The following SLC2A4 variants were observed in gnomAD, a reference collection of about 807,000 sequenced individuals.
SLC2A4 encodes solute carrier family 2, facilitated glucose transporter member 4.
A neutral mutation model predicts 53.3 loss-of-function variants in SLC2A4; 31 were observed. The observed-to-expected ratio is 0.58, with a 90% CI of 0.44 to 0.78. SLC2A4 has a LOEUF of 0.78. Ranked by LOEUF, SLC2A4 falls within the 30% of genes least tolerant of loss-of-function variation. The pLI is 0.00. For synonymous variants in SLC2A4, 276 were observed against 281.9 expected (o/e 0.98, Z 0.21); for missense variants, 538 against 655.7 (o/e 0.82, Z 1.96).
At position 7,283,726 on chromosome 17, in the gene SLC2A4, T is replaced by C. The variant is rs1250203360; in HGVS notation, c.324-12T>C. On this transcript the variant is annotated splice_polypyrimidine_tract_variant and intron_variant, in intron 3 of 10. Coordinates refer to ENST00000317370, the MANE Select transcript of SLC2A4 (RefSeq NM_001042.3). This position sits in a 1 kb window ranked among gnomAD's most constrained non-coding sequence, Gnocchi z 5.8. ...CCCTCACCCTCACAGCCTCACTCTG[T>C]CTGCCTGCCAGGAAAAGGGCCATGC... 1.2e-6 allele frequency: 2 copies of C among 1,613,980 alleles called. No individual in the cohort carries two copies. The highest frequency in any genetic ancestry group is 1.7e-6 in the Non-Finnish European group (2 of 1,180,004).
At chr17:7,286,034 GA>G in intron 10 of SLC2A4, 126 bp downstream of exon 10, 1 of 826,862 alleles carries the variant, frequency 1.2e-6, no homozygotes, top group Non-Finnish European at 1.9e-6. Flanking sequence ...CAGTTTGGTG[GA>G]CCACCTGCTC....
chr17:7,285,658 C>T lies in SLC2A4; in HGVS notation c.1123-47C>T. 6.3e-7 allele frequency: 1 copy of T among 1,579,614 alleles called. No individual in the cohort carries two copies. The highest frequency in any genetic ancestry group is 2.2e-5 in the East Asian group (1 of 44,722). Reference sequence around the variant, plus strand: ...CTCTGAGTTGAGGGCAAGGGAAGATCAGAAAGGCCTCAACTGGATTCTCCA... The same window carrying T: ...CTCTGAGTTGAGGGCAAGGGAAGATTAGAAAGGCCTCAACTGGATTCTCCA... On this transcript the variant is annotated intron_variant, in intron 9 of 10. Coordinates refer to ENST00000317370, the MANE Select transcript of SLC2A4 (RefSeq NM_001042.3). The surrounding 1 kb of genome is among the most constrained non-coding windows in gnomAD (Gnocchi z 6.0).
Position 7,281,737 on chromosome 17 carries a change from C to T in SLC2A4, c.-198C>T, listed in dbSNP as rs1597598416. On this transcript the variant is annotated 5_prime_UTR_variant, in exon 1 of 11. Transcript: ENST00000317370. ...TCTCGCGTCTTTTCCCCCAGCCCCG[C>T]TCCACCAGATCCGCGGGAGCCCCAC... is the stretch of plus-strand genomic sequence containing the variant. 1.3e-5 allele frequency: 8 copies of T among 639,870 alleles called. No individual in the cohort carries two copies. In the East Asian group the frequency reaches 2.2e-4, roughly 18 times the overall value. 39.6% of individuals were successfully genotyped at this position (639,870 alleles called of 1,614,324 possible). A position where few individuals can be genotyped will look rare whatever the true frequency, so the allele number is the denominator to read the frequency against.
At chr17:7,286,357 TG>T in intron 10 of SLC2A4, 68 bp from the exon 11 acceptor site, 1 of 1,363,586 alleles carries the variant, frequency 7.3e-7, no homozygotes, top group Non-Finnish European at 1.0e-6. Context: ...CTTTAGCTCC[TG>T]GTTGCCTGAA....
Position 7,284,454 on chromosome 17 carries a change from G to T in SLC2A4, c.728-31G>T, listed in dbSNP as rs749706745. 2 of 1,614,202 alleles carry T rather than the reference G, an allele frequency of 1.2e-6. No homozygotes were observed. Among genetic ancestry groups the T allele is most frequent in the South Asian group, 1.1e-5 (1 of 91,086 alleles). ...TTGCTAGCACCTGGCTTCCTCTCAG[G>T]TCCCCTCAGGCCTGACCTTCCCTTC... On this transcript the variant is annotated intron_variant, in intron 6 of 10. Coordinates refer to ENST00000317370, the MANE Select transcript of SLC2A4 (RefSeq NM_001042.3). This position sits in a 1 kb window ranked among gnomAD's most constrained non-coding sequence, Gnocchi z 7.5.
In SLC2A4 at chr17:7,286,852, C is replaced by A; in HGVS notation, c.*223C>A. ...TTTATGTGTTGTGGTTTGGCCGTGGCCATCAGGGTGGGCCACTCTCCCCTC... is the reference window on the plus strand; with the variant it reads ...TTTATGTGTTGTGGTTTGGCCGTGGACATCAGGGTGGGCCACTCTCCCCTC... On this transcript the variant is annotated 3_prime_UTR_variant, in exon 11 of 11. Transcript: ENST00000317370. The A allele has an allele frequency of 1.8e-6, 1 of 544,150 alleles. No homozygotes were observed. Among genetic ancestry groups the A allele is most frequent in the Middle Eastern group, 5.0e-4 (1 of 1,984 alleles). 33.7% of individuals were successfully genotyped at this position (544,150 alleles called of 1,614,324 possible). A position where few individuals can be genotyped will look rare whatever the true frequency, so the allele number is the denominator to read the frequency against.
chr17:7,286,743 C>T lies in SLC2A4; in HGVS notation c.*114C>T. On this transcript the variant is annotated 3_prime_UTR_variant, in exon 11 of 11. Coordinates refer to ENST00000317370, the MANE Select transcript of SLC2A4 (RefSeq NM_001042.3). ...CTATTATTTCCGGGTGGAAAAGAAT[C>T]CCTGCAGCCTGGTAGAATTGGGAAG... The T allele has an allele frequency of 1.0e-6, 1 of 999,602 alleles. No homozygotes were observed. Among genetic ancestry groups the T allele is most frequent in the Non-Finnish European group, 1.6e-6 (1 of 638,582 alleles). 61.9% of individuals were successfully genotyped at this position (999,602 alleles called of 1,614,324 possible). A position where few individuals can be genotyped will look rare whatever the true frequency, so the allele number is the denominator to read the frequency against.
Position 7,283,190 on chromosome 17 carries a change from G to A in SLC2A4, c.34-55G>A. ...AGCTGGGCCCGGGCCCCTAGCGGAA[G>A]GAAAAAAATCATGGTTCCATGTGAC... is the stretch of plus-strand genomic sequence containing the variant. On this transcript the variant is annotated intron_variant, in intron 1 of 10. Coordinates refer to ENST00000317370, the MANE Select transcript of SLC2A4 (RefSeq NM_001042.3). This position sits in a 1 kb window ranked among gnomAD's most constrained non-coding sequence, Gnocchi z 5.8. The A allele has an allele frequency of 6.8e-7, 1 of 1,481,014 alleles. No homozygotes were observed. Among genetic ancestry groups the A allele is most frequent in the South Asian group, 1.1e-5 (1 of 88,328 alleles). The allele number at this position is 1,481,014 out of a possible 1,614,324, so 91.7% of individuals were successfully genotyped here.
At position 7,286,442 on chromosome 17, in the gene SLC2A4, A is replaced by G. The variant is rs201686153; in HGVS notation, c.1343A>G (p.Tyr448Cys). 5 of 1,613,942 alleles carry G rather than the reference A, an allele frequency of 3.1e-6. No individual in the cohort carries two copies. In the East Asian group the frequency reaches 8.9e-5, roughly 29 times the overall value. ...FQYVAEAMGP[Y>C]VFLLFAVLLL... ...CTGTCCCAGGAGGCTATGGGGCCCT[A>G]CGTCTTCCTTCTATTTGCGGTCCTC... Residue 448 changes from tyrosine (Y) to cysteine (C), a missense_variant, in exon 11 of 11, where the codon TAC (tyrosine) becomes TGC (cysteine). Physicochemically the swap from Tyr to Cys is radical, Grantham distance 194. Coordinates refer to ENST00000317370, the MANE Select transcript of SLC2A4 (RefSeq NM_001042.3).
Position 7,286,585 on chromosome 17 carries a change from C to T in SLC2A4, c.1486C>T (p.Pro496Ser). Residue 496 changes from proline to serine, a missense_variant, in exon 11 of 11, where the codon CCC becomes TCC. Physicochemically the swap from Pro to Ser is moderately conservative, Grantham distance 74. Coordinates refer to ENST00000317370, the MANE Select transcript of SLC2A4 (RefSeq NM_001042.3). The part of the protein sequence containing the change: ...TPSLLEQEVK[P>S]STELEYLGPD... The stretch of plus-strand genomic sequence containing the variant: ...CTCTCTTTTAGAGCAGGAGGTGAAA[C>T]CCAGCACAGAACTTGAGTATTTAGG... 1.2e-6 allele frequency: 2 copies of T among 1,614,168 alleles called. No individual in the cohort carries two copies. Among genetic ancestry groups the T allele is most frequent in the Non-Finnish European group, 1.7e-6 (2 of 1,180,034 alleles).
rs542749322 is a variant in SLC2A4, at chr17:7,287,115, G to GGTTCTCTTTTTTTTTTTTT, written c.*486_*487insGTTCTCTTTTTTTTTTTTT. On this transcript the variant is annotated 3_prime_UTR_variant, in exon 11 of 11. Transcript: ENST00000317370. Reference sequence around the variant, plus strand: ...TGCCACGCAGACTCTGGGCAAAGGGGTTTTTTTTTTTTTTTTTTTTTTTTT... The same window carrying GGTTCTCTTTTTTTTTTTTT: ...TGCCACGCAGACTCTGGGCAAAGGGGGTTCTCTTTTTTTTTTTTTTTTTTTTTTTTTTTTTTTTTTTTTT... 1.6e-4 allele frequency: 16 copies of GGTTCTCTTTTTTTTTTTTT among 97,696 alleles called. 5 individuals are homozygous for GGTTCTCTTTTTTTTTTTTT. Among genetic ancestry groups the GGTTCTCTTTTTTTTTTTTT allele is most frequent in the Admixed American group, 1.1e-4 (1 of 8,962 alleles). The allele number at this position is 97,696 out of a possible 1,614,324, so 6.1% of individuals were successfully genotyped here.
At position 7,281,866 on chromosome 17, in the gene SLC2A4, G is replaced by C. The variant is rs950133020; in HGVS notation, c.-69G>C. On this transcript the variant is annotated 5_prime_UTR_variant, in exon 1 of 11. Coordinates refer to ENST00000317370, the MANE Select transcript of SLC2A4 (RefSeq NM_001042.3). Reference sequence around the variant, plus strand: ...TCCGCAGGTTCTGCGCTCCAGGCCGGAGTCAGAGACTCCAGGATCGGTTCT... The same window carrying C: ...TCCGCAGGTTCTGCGCTCCAGGCCGCAGTCAGAGACTCCAGGATCGGTTCT... 6.6e-7 allele frequency: 1 copy of C among 1,520,900 alleles called. No homozygotes were observed. Among genetic ancestry groups the C allele is most frequent in the South Asian group, 1.2e-5 (1 of 84,134 alleles). 94.2% of individuals were successfully genotyped at this position (1,520,900 alleles called of 1,614,324 possible).
At position 7,286,943 on chromosome 17, in the gene SLC2A4, C is replaced by G; in HGVS notation, c.*314C>G. Reference sequence around the variant, plus strand: ...AGACTCAGCTCCAGAATACCTTCTTCGCTGCTAGAGAAGGGGGATTGGAGG... The same window carrying G: ...AGACTCAGCTCCAGAATACCTTCTTGGCTGCTAGAGAAGGGGGATTGGAGG... On this transcript the variant is annotated 3_prime_UTR_variant, in exon 11 of 11. Transcript: ENST00000317370. The G allele has an allele frequency of 2.6e-6, 1 of 379,886 alleles. No homozygotes were observed. Among genetic ancestry groups the G allele is most frequent in the Non-Finnish European group, 5.1e-6 (1 of 197,886 alleles). 23.5% of individuals were successfully genotyped at this position (379,886 alleles called of 1,614,324 possible).
Position 7,282,001 on chromosome 17 carries a change from G to GGGGGGGGCC in SLC2A4, c.33+34_33+35insGGGGGGGCC. On this transcript the variant is annotated intron_variant, in intron 1 of 10. Coordinates refer to ENST00000317370, the MANE Select transcript of SLC2A4 (RefSeq NM_001042.3). This position sits in a 1 kb window ranked among gnomAD's most constrained non-coding sequence, Gnocchi z 4.1. Reference sequence around the variant, plus strand: ...CATCATGAGGGGGCGGGGCGGGGGGGCACGGGTCCCGCTTTTCTTGGGCTG... The same window carrying GGGGGGGGCC: ...CATCATGAGGGGGCGGGGCGGGGGGGGGGGGGGCCCACGGGTCCCGCTTTTCTTGGGCTG... The GGGGGGGGCC allele has an allele frequency of 1.9e-6, 1 of 535,042 alleles. No individual in the cohort carries two copies. The highest frequency in any genetic ancestry group is 3.7e-6 in the Non-Finnish European group (1 of 269,464). 33.1% of individuals were successfully genotyped at this position (535,042 alleles called of 1,614,324 possible). A position where few individuals can be genotyped will look rare whatever the true frequency, so the allele number is the denominator to read the frequency against.
chr17:7,284,602 G>T lies in SLC2A4; in HGVS notation c.845G>T (p.Arg282Leu). The T allele has an allele frequency of 6.2e-7, 1 of 1,614,140 alleles. No individual in the cohort carries two copies. The highest frequency in any genetic ancestry group is 1.1e-5 in the South Asian group (1 of 91,084). The change falls in exon 7 of 11, where the codon CGT becomes CTT. Residue 282 changes from arginine (R) to leucine (L), a missense_variant. Coordinates refer to ENST00000317370, the MANE Select transcript of SLC2A4 (RefSeq NM_001042.3). The surrounding 1 kb of genome is among the most constrained non-coding windows in gnomAD (Gnocchi z 7.5). ...PLSLLQLLGS[R>L]THRQPLIIAV... ...TCCCTGCTCCAGCTCCTGGGCAGCC[G>T]TACCCACCGGCAGCCCCTGATCATT... is the stretch of plus-strand genomic sequence containing the variant.
chr17:7,282,310 C>T lies in SLC2A4; in HGVS notation c.33+343C>T, dbSNP rs2072409139. The T allele has an allele frequency of 5.8e-6, 3 of 520,780 alleles. No homozygotes were observed. Among genetic ancestry groups the T allele is most frequent in the South Asian group, 3.1e-5 (2 of 65,050 alleles). 32.3% of individuals were successfully genotyped at this position (520,780 alleles called of 1,614,324 possible). On this transcript the variant is annotated intron_variant, in intron 1 of 10. Transcript: ENST00000317370. The surrounding 1 kb of genome is among the most constrained non-coding windows in gnomAD (Gnocchi z 4.1). ...GCAGATCCAGGCGGGTCTTGCCCTC[C>T]GGGAGCTGTCCGTCCGTCTTCGCTC...
rs2072418111 is a variant in SLC2A4 at position 7,283,287 on chromosome 17, C to A, written c.76C>A (p.Leu26Ile). 4.3e-6 allele frequency: 7 copies of A among 1,614,084 alleles called. No homozygotes were observed. In the Admixed American group the frequency reaches 1.2e-4, roughly 27 times the overall value. ...PQQRVTGTLV[L>I]AVFSAVLGSL... ...GCAGCGAGTGACTGGGACCCTGGTC[C>A]TTGCTGTGTTCTCTGCGGTGCTTGG... The change falls in exon 2 of 11, where the codon CTT becomes ATT. Residue 26 changes from leucine to isoleucine, a missense_variant. Leu to Ile is a conservative substitution (Grantham distance 5). Coordinates refer to ENST00000317370, the MANE Select transcript of SLC2A4 (RefSeq NM_001042.3). The surrounding 1 kb of genome is among the most constrained non-coding windows in gnomAD (Gnocchi z 5.8).
rs772332703 is a variant in SLC2A4, at chr17:7,285,019, C to G, written c.1021-69C>G. On this transcript the variant is annotated intron_variant, in intron 8 of 10. Coordinates refer to ENST00000317370, the MANE Select transcript of SLC2A4 (RefSeq NM_001042.3). The surrounding 1 kb of genome is among the most constrained non-coding windows in gnomAD (Gnocchi z 6.0). Reference sequence around the variant, plus strand: ...CCCGGAGGTCCTGCTCTTGGTTGCCCTCACCCACGCGGCCCCTCCTACTTC... The same window carrying G: ...CCCGGAGGTCCTGCTCTTGGTTGCCGTCACCCACGCGGCCCCTCCTACTTC... 1 of 1,613,350 alleles carries G rather than the reference C, an allele frequency of 6.2e-7. No homozygotes were observed. Among genetic ancestry groups the G allele is most frequent in the South Asian group, 1.1e-5 (1 of 91,056 alleles).
rs1051618170 is a variant in SLC2A4 at position 7,281,984 on chromosome 17, G to A, written c.33+17G>A. On this transcript the variant is annotated intron_variant, in intron 1 of 10. Transcript: ENST00000317370. Reference sequence around the variant, plus strand: ...GGCTCCGAAGTAGGATTCATCATGAGGGGGCGGGGCGGGGGGGCACGGGTC... The same window carrying A: ...GGCTCCGAAGTAGGATTCATCATGAAGGGGCGGGGCGGGGGGGCACGGGTC... 3.8e-6 allele frequency: 6 copies of A among 1,580,826 alleles called. No individual in the cohort carries two copies. The African/African-American group carries it at 6.7e-5, about 18-fold the overall frequency.
Sources: allele counts gnomAD v4.1 joint callset, GRCh38; gene constraint gnomAD v4.1.1; non-coding constraint Gnocchi (gnomAD v3.1); transcripts MANE v1.5; gene names NCBI Gene and HGNC (gene_info 2026-07-23, HGNC 2026-07-21).